The following TET1 variants were observed in gnomAD, a reference collection of about 807,000 sequenced individuals.
TET1 encodes methylcytosine dioxygenase TET1.
A neutral mutation model predicts 148.7 loss-of-function variants in TET1; 13 were observed. The ratio of observed to expected loss-of-function variants is 0.09; its 90% CI spans 0.06 to 0.14. The LOEUF (loss-of-function observed/expected upper bound fraction) is 0.14, where lower values mean the gene tolerates loss of function less well. Ranked by LOEUF, TET1 falls within the 10% of genes least tolerant of loss-of-function variation. The pLI, the probability that TET1 is intolerant of heterozygous loss-of-function variation, is 1.00. For missense variants in TET1, 2,182 were observed against 2,553.8 expected, an observed-to-expected ratio of 0.85 and a Z score of 3.14; for synonymous variants, 907 against 937.2, an observed-to-expected ratio of 0.97 and a Z score of 0.59.
At chr10:68,626,033 G>A (rs1213744931) in intron 3 of TET1, among the ~76,000 whole-genome samples, 3 of 149,576 alleles carry the variant, frequency 2.0e-5, no homozygotes, top group African/African-American at 7.4e-5. Context: ...GAGGTGAACC[G>A]AGATGGTGCC....
chr10:68,580,933 G>A (rs1038751249), intron 2 of TET1, among the ~76,000 whole-genome samples: 7 of 151,726 alleles, frequency 4.6e-5, no homozygotes, highest in Non-Finnish European at 5.9e-5. Flanking sequence ...TCTCTCCACC[G>A]CACTCTAGCC....
In TET1 at chr10:68,568,442, C is replaced by T. The variant is rs1404461569; in HGVS notation, c.-122-3775C>T. On this transcript the variant is annotated intron_variant, in intron 1 of 11. Coordinates refer to ENST00000373644, the MANE Select transcript of TET1 (RefSeq NM_030625.3). ...TTCACCATGTTGGCCAGGCTGGTCT[C>T]GAACTCCTGACCTCAGGTGATCTGT... Among the ~76,000 whole-genome samples the T allele has an allele frequency of 2.6e-5, 4 of 151,864 alleles. No individual in the cohort carries two copies. The South Asian group carries it at 6.2e-4, about 24-fold the overall frequency.
intron 3 of TET1, among the ~76,000 whole-genome samples, chr10:68,621,214 T>C (rs1197581251): frequency 1.3e-5 from 2 of 152,156 alleles, no homozygotes; most frequent in Admixed American, 6.6e-5. Flanking sequence ...GGTGGGAGGA[T>C]TGCTTGAGCC....
chr10:68,691,161 C>T lies in TET1; in HGVS notation c.5758C>T (p.Pro1920Ser), dbSNP rs770933943. 2.4e-5 allele frequency: 38 copies of T among 1,614,042 alleles called. No individual in the cohort carries two copies. Among genetic ancestry groups the T allele is most frequent in the Non-Finnish European group, 2.9e-5 (34 of 1,180,042 alleles). The change falls in exon 12 of 12, where the codon CCC becomes TCC. Residue 1920 changes from proline to serine, a missense_variant. Physicochemically the swap from Pro to Ser is moderately conservative, Grantham distance 74. Coordinates refer to ENST00000373644, the MANE Select transcript of TET1 (RefSeq NM_030625.3). The surrounding 1 kb of genome is among the most constrained non-coding windows in gnomAD (Gnocchi z 4.4). ...CACCCTGTCTGCTCCTGTGATGGAG[C>T]CCCTCATTAATTCTGAGCCTTCCAC... The part of the protein sequence containing the change: ...LPTLSAPVME[P>S]LINSEPSTGV...
intron 3 of TET1, among the ~76,000 whole-genome samples, chr10:68,635,259 T>A (rs1289938051): frequency 6.6e-6 from 1 of 151,888 alleles, no homozygotes; most frequent in Non-Finnish European, 1.5e-5. Context: ...TAATAGGCAT[T>A]TTTCCTTTAA....
intron 2 of TET1, among the ~76,000 whole-genome samples, chr10:68,591,273 A>G (rs568133212): frequency 7.2e-5 from 11 of 152,238 alleles, no homozygotes; most frequent in Non-Finnish European, 1.6e-4. Flanking sequence ...TATGAGTTCA[A>G]TGATAAGTCT....
chr10:68,670,937 T>C (rs2055264742), intron 7 of TET1, among the ~76,000 whole-genome samples: 1 of 152,176 alleles, frequency 6.6e-6, no homozygotes, highest in Non-Finnish European at 1.5e-5. Flanking sequence ...ATTATATAAG[T>C]ACAATATATA....
Position 68,686,512 on chromosome 10 carries a change from C to T in TET1, c.5209C>T (p.Leu1737=). ...AKIKSGAIEV[L]APRRKKRTCF... ...GATCAAATCTGGGGCCATCGAGGTC[C>T]TGGCACCCCGCCGCAAAAAAAGAAC... is the stretch of plus-strand genomic sequence containing the variant. Residue 1737 remains leucine (L), a synonymous_variant, in exon 11 of 12, where the codon CTG becomes TTG. Coordinates refer to ENST00000373644, the MANE Select transcript of TET1 (RefSeq NM_030625.3). 1.9e-6 allele frequency: 3 copies of T among 1,614,172 alleles called. No homozygotes were observed. Among genetic ancestry groups the T allele is most frequent in the Non-Finnish European group, 2.5e-6 (3 of 1,180,048 alleles).
At chr10:68,578,994 G>A (rs1452589516) in intron 2 of TET1, among the ~76,000 whole-genome samples, 2 of 152,064 alleles carry the variant, frequency 1.3e-5, no homozygotes, top group East Asian at 1.9e-4. Flanking sequence ...TCCAGCCTGG[G>A]TGACATAGCA....
Position 68,691,298 on chromosome 10 carries a change from A to G in TET1, c.5895A>G (p.Glu1965=), listed in dbSNP as rs201395867. 1.0e-4 allele frequency: 161 copies of G among 1,614,178 alleles called. No individual in the cohort carries two copies. In the East Asian group the frequency reaches 3.2e-3, roughly 32 times the overall value. The change falls in exon 12 of 12, where the codon GAA becomes GAG. Residue 1965 remains glutamate (E), a synonymous_variant. Transcript: ENST00000373644. The surrounding 1 kb of genome is among the most constrained non-coding windows in gnomAD (Gnocchi z 4.4). The part of the protein sequence containing the change: ...SPMEEDEQHS[E]ADEPPSDEPL... ...TGGAAGAAGATGAGCAGCATTCTGA[A>G]GCAGATGAGCCTCCATCAGACGAAC...
intron 2 of TET1, among the ~76,000 whole-genome samples, chr10:68,586,734 C>T (rs747649786): frequency 7.3e-5 from 11 of 151,550 alleles, no homozygotes; most frequent in Non-Finnish European, 1.5e-5. Context: ...TTAGTTATTT[C>T]CTATATGGTA....
chr10:68,624,854 C>G (rs1344742607), intron 3 of TET1, among the ~76,000 whole-genome samples: 10 of 147,628 alleles, frequency 6.8e-5, no homozygotes, highest in Admixed American at 2.1e-4. Flanking sequence ...GACTCAGCCT[C>G]CCGAGTAGCT....
At chr10:68,587,524 T>A (rs2053873971) in intron 2 of TET1, among the ~76,000 whole-genome samples, 1 of 118,254 alleles carries the variant, frequency 8.5e-6, no homozygotes, top group Admixed American at 8.5e-5. Flanking sequence ...GATACTGCAT[T>A]ATGAGTTGGT....
intron 4 of TET1, among the ~76,000 whole-genome samples, chr10:68,651,309 C>A (rs1223569111): frequency 1.3e-5 from 2 of 152,032 alleles, no homozygotes; most frequent in Non-Finnish European, 1.5e-5. Flanking sequence ...AAAAAATTAG[C>A]CGGGCGTGGT....
chr10:68,631,140 A>G (rs553442423), intron 3 of TET1, among the ~76,000 whole-genome samples: 1 of 152,360 alleles, frequency 6.6e-6, no homozygotes, highest in South Asian at 2.1e-4. Flanking sequence ...TCTGCCACTG[A>G]ATTCCAGCCT....
chr10:68,656,156 A>G (rs527537313), intron 6 of TET1, among the ~76,000 whole-genome samples: 14 of 152,188 alleles, frequency 9.2e-5, no homozygotes, highest in Non-Finnish European at 2.1e-4. Context: ...GAGTTGTATA[A>G]TTACTTTATT....
chr10:68,673,502 T>A (rs1180401879), intron 8 of TET1: 1 of 343,886 alleles, frequency 2.9e-6, no homozygotes, highest in Non-Finnish European at 5.8e-6. Context: ...GCAAAGAAAT[T>A]AGTCGAACTT....
At chr10:68,673,258 A>G (rs1589128018) in intron 8 of TET1, 4 of 261,166 alleles carry the variant, frequency 1.5e-5, no homozygotes, top group Admixed American at 5.2e-5. Context: ...CCAAATTCCA[A>G]TTGTCCCTGG....
At chr10:68,608,930 A>G (rs1360790153) in intron 3 of TET1, among the ~76,000 whole-genome samples, 1 of 152,284 alleles carries the variant, frequency 6.6e-6, no homozygotes, top group African/African-American at 2.4e-5. Flanking sequence ...GATTCAAGCG[A>G]TCTTCCTGCC....
Sources: allele counts gnomAD v4.1 joint callset (sites outside exome capture counted in the v4.1 genomes callset), GRCh38; gene constraint gnomAD v4.1.1; non-coding constraint Gnocchi (gnomAD v3.1); transcripts MANE v1.5; gene names NCBI Gene and HGNC (gene_info 2026-07-23, HGNC 2026-07-21).